Variants in ACADL observed in about 807,000 individuals in gnomAD.
ACADL encodes acyl-CoA dehydrogenase long chain.
A neutral mutation model predicts 56.9 loss-of-function variants in ACADL; 60 were observed. That is an observed-to-expected ratio of 1.05 (90% CI 0.86 to 1.31). The LOEUF is 1.31. Ranked by LOEUF, ACADL falls within the 50% of genes most tolerant of loss-of-function variation. ACADL has a pLI of 0.00. For missense variants in ACADL, 484 were observed against 525.5 expected, an observed-to-expected ratio of 0.92 and a Z score of 0.77; for synonymous variants, 158 against 179.7, an observed-to-expected ratio of 0.88 and a Z score of 0.97.
rs781766225 is a variant in ACADL at position 210,192,817 on chromosome 2, AC to A, written c.1185del (p.Glu395AspfsTer23). ...QLHGGWGYMW[E>X]YPIAKAYVDA... ...AACTATACTTACTTTGCAATTGGGT[AC>A]TCCCACATGTATCCCCAACCTCCAT... On this transcript the variant is annotated frameshift_variant, in exon 10 of 11. Coordinates refer to ENST00000233710, the MANE Select transcript of ACADL (RefSeq NM_001608.4). LOFTEE classifies it high-confidence loss of function. 1.9e-5 allele frequency: 30 copies of A among 1,612,856 alleles called. No homozygotes were observed. Among genetic ancestry groups the A allele is most frequent in the Middle Eastern group, 1.6e-4 (1 of 6,080 alleles).
Position 210,204,606 on chromosome 2 carries a change from T to A in ACADL, c.845A>T (p.Tyr282Phe). Residue 282 changes from tyrosine (Y) to phenylalanine (F), a missense_variant, in exon 7 of 11, where the codon TAT becomes TTT. By Grantham distance (22) the Tyr-to-Phe change is conservative. Transcript: ENST00000233710. ...ALLGEENKGFYYIMKELPQER... is the reference protein window; with the variant it reads ...ALLGEENKGFFYIMKELPQER... ...CTGTGGAAGCTCTTTCATGATGTAA[T>A]AGAAGCCTTTATTCTCTTCTCCAAG... 6.2e-7 allele frequency: 1 copy of A among 1,610,864 alleles called. No individual in the cohort carries two copies. Among genetic ancestry groups the A allele is most frequent in the South Asian group, 1.1e-5 (1 of 91,010 alleles).
intron 1 of ACADL, 100 bp downstream of exon 1, chr2:210,225,087 C>A: frequency 6.6e-7 from 1 of 1,514,980 alleles, no homozygotes; most frequent in South Asian, 1.2e-5. Flanking sequence ...CTCCCAGCCG[C>A]GCGCGCACCG....
At chr2:210,205,582 T>C (rs1436749402) in intron 6 of ACADL, 50 bp downstream of exon 6, 1 of 1,580,346 alleles carries the variant, frequency 6.3e-7, no homozygotes, top group Non-Finnish European at 8.7e-7. Context: ...TCCTATCTGA[T>C]TAACAGTAAA....
chr2:210,195,610 G>A (rs1005508313), intron 8 of ACADL, among the ~76,000 whole-genome samples: 9 of 152,110 alleles, frequency 5.9e-5, no homozygotes, highest in African/African-American at 1.7e-4. Flanking sequence ...AAATTTAGAC[G>A]AGGCAAAATT....
intron 4 of ACADL, among the ~76,000 whole-genome samples, chr2:210,211,917 G>A (rs1688989045): frequency 6.7e-6 from 1 of 148,198 alleles, no homozygotes; most frequent in South Asian, 2.1e-4. Context: ...TGCAACCTCT[G>A]CCTCCCCAGT....
intron 1 of ACADL, chr2:210,224,506 A>G: frequency 1.0e-6 from 1 of 985,394 alleles, no homozygotes; most frequent in Non-Finnish European, 1.2e-6. Flanking sequence ...TGCATCAGAC[A>G]GTATCTGAAA....
intron 2 of ACADL, among the ~76,000 whole-genome samples, chr2:210,219,020 T>A (rs1689134427): frequency 6.6e-6 from 1 of 152,218 alleles, no homozygotes; most frequent in Admixed American, 6.5e-5. Flanking sequence ...AAAAAATATC[T>A]GAGAATTTTT....
chr2:210,192,907 A>C lies in ACADL; in HGVS notation c.1113-17T>G, dbSNP rs760278508. On this transcript the variant is annotated splice_polypyrimidine_tract_variant and intron_variant, in intron 9 of 10. Transcript: ENST00000233710. The stretch of plus-strand genomic sequence containing the variant: ...TCAGATGCCCTAAATGACCAAAATA[A>C]AAGGCAGAAAAGAAATGTTTGAAAT... The C allele has an allele frequency of 2.3e-4, 363 of 1,591,702 alleles. 1 individual carries two copies. Among genetic ancestry groups the C allele is most frequent in the Non-Finnish European group, 7.8e-6 (9 of 1,159,992 alleles).
chr2:210,204,823 C>A, intron 6 of ACADL, 141 bp from the exon 7 acceptor site: 2 of 693,232 alleles, frequency 2.9e-6, no homozygotes, highest in Non-Finnish European at 2.5e-6. Flanking sequence ...ATGAACATAA[C>A]TAGTAAGTGG....
chr2:210,221,280 G>A (rs1575682978), intron 1 of ACADL, among the ~76,000 whole-genome samples: 1 of 152,128 alleles, frequency 6.6e-6, no homozygotes, highest in Non-Finnish European at 1.5e-5. Context: ...CCATGTTGAT[G>A]TAATCGCCAC....
chr2:210,217,787 C>T (rs977506913), intron 3 of ACADL, 178 bp downstream of exon 3: 9 of 713,302 alleles, frequency 1.3e-5, no homozygotes, highest in African/African-American at 9.0e-5. Flanking sequence ...CTTATTATCC[C>T]ACATTCAAAA....
intron 6 of ACADL, 137 bp from the exon 7 acceptor site, chr2:210,204,819 A>G (rs754519295): frequency 5.7e-6 from 4 of 701,388 alleles, no homozygotes; most frequent in South Asian, 3.3e-5. Flanking sequence ...GTTAATGAAC[A>G]TAACTAGTAA....
intron 4 of ACADL, among the ~76,000 whole-genome samples, chr2:210,213,981 G>C (rs1031816605): frequency 1.3e-5 from 2 of 151,986 alleles, no homozygotes; most frequent in African/African-American, 4.8e-5. Context: ...ATGAGTTTCA[G>C]ACCAGCCTGG....
At chr2:210,189,512 T>A (rs186109863) in intron 10 of ACADL, among the ~76,000 whole-genome samples, 36 of 152,276 alleles carry the variant, frequency 2.4e-4, no homozygotes, top group Non-Finnish European at 2.8e-4. Context: ...CCACTATCAC[T>A]ATCAGGAATA....
At chr2:210,196,292 C>T (rs1314588076) in intron 8 of ACADL, among the ~76,000 whole-genome samples, 15 of 150,956 alleles carry the variant, frequency 9.9e-5, no homozygotes, top group Non-Finnish European at 2.1e-4. Flanking sequence ...ATTACCCAGT[C>T]TCAGGTATTT....
chr2:210,204,501 TA>T (rs1688851245), intron 7 of ACADL, 79 bp downstream of exon 7: 1 of 1,091,682 alleles, frequency 9.2e-7, no homozygotes, highest in Non-Finnish European at 1.4e-6. Flanking sequence ...GAATGCATAA[TA>T]TAGAAATAAC....
chr2:210,200,717 A>G (rs567113735), intron 8 of ACADL, among the ~76,000 whole-genome samples: 1 of 152,236 alleles, frequency 6.6e-6, no homozygotes, highest in Non-Finnish European at 1.5e-5. Context: ...TTTTTTCAGG[A>G]TGGAAAAAGT....
intron 8 of ACADL, among the ~76,000 whole-genome samples, chr2:210,202,394 C>T (rs187060292): frequency 5.9e-5 from 9 of 152,122 alleles, no homozygotes; most frequent in African/African-American, 1.9e-4. Flanking sequence ...TGCCTGGCCA[C>T]GTTATTTAAA....
intron 4 of ACADL, among the ~76,000 whole-genome samples, chr2:210,212,193 C>G (rs575767061): frequency 2.0e-5 from 3 of 151,408 alleles, no homozygotes; most frequent in African/African-American, 7.3e-5. Context: ...CTAAAGATAT[C>G]AGGTCCTATA....
Sources: gnomAD v4.1 joint callset for allele counts (sites outside exome capture counted in the v4.1 genomes callset) on GRCh38, gnomAD v4.1.1 for gene constraint, MANE v1.5 for transcripts, NCBI Gene and HGNC (gene_info 2026-07-23, HGNC 2026-07-21) for gene names.